The following PTPRR variants were observed in gnomAD, a reference collection of about 807,000 sequenced individuals.
PTPRR encodes protein tyrosine phosphatase receptor type R.
PTPRR carries 38 observed loss-of-function variants against 77.2 expected under a neutral mutation model. The observed-to-expected ratio is 0.49, with a 90% CI of 0.38 to 0.65. The LOEUF (loss-of-function observed/expected upper bound fraction) is 0.65, where lower values mean the gene tolerates loss of function less well. Ranked by LOEUF, PTPRR falls within the 30% of genes least tolerant of loss-of-function variation. The probability of loss-of-function intolerance (pLI) is 0.00; values close to 1 mark genes in which losing one functional copy is unlikely to be tolerated. For missense variants in PTPRR, 744 were observed against 799.2 expected (o/e 0.93, Z 0.83); for synonymous variants, 299 against 283.1 (o/e 1.06, Z -0.57).
intron 2 of PTPRR, among the ~76,000 whole-genome samples, chr12:70,884,934 CCTT>C (rs369969810): frequency 1.5e-3 from 220 of 149,160 alleles, no homozygotes; most frequent in African/African-American, 5.3e-3. Context: ...ACAGCACTGT[CCTT>C]CTTCCTCAAA....
intron 6 of PTPRR, among the ~76,000 whole-genome samples, chr12:70,741,085 T>G (rs551850657): frequency 5.9e-5 from 9 of 152,268 alleles, no homozygotes; most frequent in African/African-American, 2.2e-4. Flanking sequence ...AGCAAAGTGT[T>G]TCCCAGTAAC....
intron 2 of PTPRR, among the ~76,000 whole-genome samples, chr12:70,818,325 CTATT>C (rs1048829434): frequency 3.3e-4 from 50 of 150,318 alleles, no homozygotes; most frequent in African/African-American, 1.1e-3. Context: ...CATCTATCAA[CTATT>C]TATTTATTGA....
rs547878999 is a variant in PTPRR, at chr12:70,782,075, C to T, written c.358-17297G>A. ...TATTGATAGTGAGTGAGAAAAGATA[C>T]CCAAATTTCTTGTTTAAAAAGGGTA... On this transcript the variant is annotated intron_variant, in intron 2 of 13. Coordinates refer to ENST00000283228, the MANE Select transcript of PTPRR (RefSeq NM_002849.4). Among the ~76,000 whole-genome samples the T allele has an allele frequency of 2.0e-5, 3 of 152,106 alleles. No individual in the cohort carries two copies. The South Asian group carries it at 6.2e-4, about 32-fold the overall frequency.
intron 6 of PTPRR, among the ~76,000 whole-genome samples, chr12:70,712,233 T>G (rs1316353408): frequency 2.0e-5 from 3 of 152,074 alleles, no homozygotes; most frequent in Non-Finnish European, 2.9e-5. Context: ...AGGGCTGTGT[T>G]AGAATTAAAT....
chr12:70,886,798 T>C (rs1420504931), intron 2 of PTPRR, among the ~76,000 whole-genome samples: 1 of 152,234 alleles, frequency 6.6e-6, no homozygotes, highest in South Asian at 2.1e-4. Flanking sequence ...CATCAACTCA[T>C]TCTTTCATCA....
At chr12:70,685,781 C>T (rs1887846321) in intron 8 of PTPRR, among the ~76,000 whole-genome samples, 1 of 152,158 alleles carries the variant, frequency 6.6e-6, no homozygotes, top group African/African-American at 2.4e-5. Context: ...GTTCTCATTG[C>T]TTTACAGATA....
intron 10 of PTPRR, among the ~76,000 whole-genome samples, chr12:70,682,154 C>T (rs1480806414): frequency 4.0e-5 from 6 of 148,154 alleles, no homozygotes; most frequent in Non-Finnish European, 7.4e-5. Flanking sequence ...CGCCATTCTC[C>T]TGCCTCAGCC....
chr12:70,738,999 T>G (rs1427895246), intron 6 of PTPRR, among the ~76,000 whole-genome samples: 1 of 152,220 alleles, frequency 6.6e-6, no homozygotes, highest in African/African-American at 2.4e-5. Context: ...AAATTGATAC[T>G]GTTATTTATT....
At chr12:70,729,761 A>G (rs548914248) in intron 6 of PTPRR, among the ~76,000 whole-genome samples, 43 of 152,002 alleles carry the variant, frequency 2.8e-4, no homozygotes, top group Non-Finnish European at 5.4e-4. Flanking sequence ...AGACATCCTT[A>G]CCTCCAAGCA....
chr12:70,850,966 C>T (rs1892563042), intron 2 of PTPRR, among the ~76,000 whole-genome samples: 1 of 151,958 alleles, frequency 6.6e-6, no homozygotes, highest in African/African-American at 2.4e-5. Flanking sequence ...TTCCCTTTTA[C>T]TTCAGTCTCA....
chr12:70,824,242 G>A (rs913013329), intron 2 of PTPRR, among the ~76,000 whole-genome samples: 2 of 152,076 alleles, frequency 1.3e-5, no homozygotes, highest in South Asian at 2.1e-4. Context: ...TATTGTATTC[G>A]CTCTTATGTC....
chr12:70,864,387 A>C (rs777215603), intron 2 of PTPRR, among the ~76,000 whole-genome samples: 9 of 152,182 alleles, frequency 5.9e-5, no homozygotes, highest in Non-Finnish European at 1.0e-4. Context: ...GTGGTCCCCT[A>C]ATCTGTGGTC....
chr12:70,806,439 G>A (rs758743438), intron 2 of PTPRR, among the ~76,000 whole-genome samples: 6 of 152,152 alleles, frequency 3.9e-5, no homozygotes, highest in Non-Finnish European at 8.8e-5. Context: ...AGTAATGCAG[G>A]TTAGGTCCAA....
intron 2 of PTPRR, among the ~76,000 whole-genome samples, chr12:70,879,704 G>A (rs1242114120): frequency 6.6e-6 from 1 of 152,188 alleles, no homozygotes; most frequent in East Asian, 1.9e-4. Flanking sequence ...TGTAAGGGGA[G>A]TTCTTGCTGT....
intron 6 of PTPRR, among the ~76,000 whole-genome samples, chr12:70,732,607 C>T (rs2136887795): frequency 6.6e-6 from 1 of 152,260 alleles, no homozygotes; most frequent in Admixed American, 6.5e-5. Context: ...GTTGCCCAGG[C>T]TAGAGTGCAG....
intron 6 of PTPRR, among the ~76,000 whole-genome samples, chr12:70,729,584 A>T (rs957884215): frequency 6.6e-5 from 10 of 152,294 alleles, no homozygotes; most frequent in Admixed American, 2.6e-4. Flanking sequence ...AGAGGCCCCC[A>T]GCTCTAAAAT....
intron 10 of PTPRR, among the ~76,000 whole-genome samples, chr12:70,683,274 A>C (rs1887741503): frequency 6.6e-6 from 1 of 152,192 alleles, no homozygotes; most frequent in Non-Finnish European, 1.5e-5. Context: ...TTAAAATTAG[A>C]CTGTAAATAA....
At chr12:70,809,542 T>C (rs548920148) in intron 2 of PTPRR, among the ~76,000 whole-genome samples, 1 of 152,292 alleles carries the variant, frequency 6.6e-6, no homozygotes, top group South Asian at 2.1e-4. Context: ...TTGAACTTAT[T>C]CCTCTTCACT....
intron 2 of PTPRR, among the ~76,000 whole-genome samples, chr12:70,829,627 CAA>C (rs1477199458): frequency 6.6e-6 from 1 of 152,106 alleles, no homozygotes; most frequent in African/African-American, 2.4e-5. Context: ...ATGTTATCAT[CAA>C]GTCTCTTCTC....
Sources: gnomAD v4.1 joint callset for allele counts (sites outside exome capture counted in the v4.1 genomes callset) on GRCh38, gnomAD v4.1.1 for gene constraint, MANE v1.5 for transcripts, NCBI Gene and HGNC (gene_info 2026-07-23, HGNC 2026-07-21) for gene names.